Variants in NRXN3 observed in about 807,000 individuals in gnomAD.
NRXN3 encodes neurexin III.
In NRXN3, 32 loss-of-function variants were observed where a neutral mutation model predicts 137.6. The observed-to-expected ratio is 0.23, with a 90% CI of 0.18 to 0.31. NRXN3 has a LOEUF of 0.31. Ranked by LOEUF, NRXN3 falls within the 10% of genes least tolerant of loss-of-function variation. NRXN3 has a pLI of 1.00. For missense variants in NRXN3, 1,574 were observed against 2,062.5 expected, an observed-to-expected ratio of 0.76 and a Z score of 4.59; for synonymous variants, 798 against 784.5, an observed-to-expected ratio of 1.02 and a Z score of -0.29.
At chr14:78,238,580 G>A (rs562189098) in intron 1 of NRXN3, among the ~76,000 whole-genome samples, 1 of 152,360 alleles carries the variant, frequency 6.6e-6, no homozygotes, top group South Asian at 2.1e-4. Context: ...GGCCATTTTG[G>A]CAATTTCCCA....
At chr14:79,287,752 C>T (rs926055783) in intron 15 of NRXN3, among the ~76,000 whole-genome samples, 2 of 152,168 alleles carry the variant, frequency 1.3e-5, no homozygotes, top group Admixed American at 6.5e-5. Flanking sequence ...CCCTGACCAG[C>T]TCTGTAACTT....
rs866395811 is a variant in NRXN3 at position 78,706,353 on chromosome 14, T to C, written c.1222-2864T>C. 1.2e-3 allele frequency among the ~76,000 whole-genome samples: 186 copies of C among 152,356 alleles called. 1 individual carries two copies. Among genetic ancestry groups the C allele is most frequent in the African/African-American group, 4.1e-3 (169 of 41,580 alleles). ...ACTCACTTGAGTGATTGCCTGAGGA[T>C]CCTGCAATATTTCCCTTTGCACATG... On this transcript the variant is annotated intron_variant, in intron 6 of 20. Coordinates refer to ENST00000335750, the MANE Select transcript of NRXN3 (RefSeq NM_001330195.2).
chr14:79,622,882 C>A (rs2098240003), intron 16 of NRXN3, among the ~76,000 whole-genome samples: 1 of 152,204 alleles, frequency 6.6e-6, no homozygotes, highest in Admixed American at 6.5e-5. Context: ...AGGCGTGAGC[C>A]ACCGCACCCG....
At chr14:79,011,514 A>T (rs74772635) in intron 15 of NRXN3, among the ~76,000 whole-genome samples, 3,318 of 151,738 alleles carry the variant, frequency 0.022, 101 homozygotes, top group African/African-American at 0.061. Flanking sequence ...CTCTATCATT[A>T]TCCATGTTGA....
chr14:78,489,042 C>A (rs1479632478), intron 4 of NRXN3, among the ~76,000 whole-genome samples: 1 of 152,106 alleles, frequency 6.6e-6, no homozygotes, highest in African/African-American at 2.4e-5. Flanking sequence ...CAGAGAGATG[C>A]AAACAGGAAG....
intron 15 of NRXN3, among the ~76,000 whole-genome samples, chr14:79,074,095 A>T (rs145945894): frequency 1.3e-5 from 2 of 152,340 alleles, no homozygotes; most frequent in East Asian, 3.9e-4. Context: ...TACACAATGA[A>T]TATTATTAGT....
At chr14:78,632,343 A>G (rs116056955) in intron 4 of NRXN3, among the ~76,000 whole-genome samples, 1,645 of 152,276 alleles carry the variant, frequency 0.011, 31 homozygotes, top group African/African-American at 0.038. Flanking sequence ...AAGGGTGCTT[A>G]TACTTTAAAA....
chr14:78,283,455 T>G (rs2153507252), intron 3 of NRXN3: 1 of 152,282 alleles, frequency 6.6e-6, no homozygotes, highest in South Asian at 2.1e-4. Context: ...GTAAAGTTCT[T>G]TTGGAACATA....
chr14:79,108,852 G>T (rs982962125), intron 15 of NRXN3, among the ~76,000 whole-genome samples: 1 of 152,052 alleles, frequency 6.6e-6, no homozygotes. Flanking sequence ...AATTTTTTAC[G>T]CTGCTGTCAG....
intron 10 of NRXN3, among the ~76,000 whole-genome samples, chr14:78,887,986 T>G (rs1264305285): frequency 6.6e-6 from 1 of 152,140 alleles, no homozygotes; most frequent in Admixed American, 6.6e-5. Context: ...TCTTTATTTA[T>G]TAAATCATCT....
At chr14:78,705,689 T>C (rs1232277531) in intron 6 of NRXN3, among the ~76,000 whole-genome samples, 1 of 152,188 alleles carries the variant, frequency 6.6e-6, no homozygotes, top group Non-Finnish European at 1.5e-5. Context: ...GAGGGACAGT[T>C]TGTGGAACAG....
chr14:78,227,178 A>T (rs2064785120), intron 1 of NRXN3, among the ~76,000 whole-genome samples: 1 of 151,850 alleles, frequency 6.6e-6, no homozygotes, highest in Non-Finnish European at 1.5e-5. Flanking sequence ...CTTATCTAAC[A>T]TATCCCAGAA....
In NRXN3 at chr14:79,673,206, A is replaced by T. The variant is rs144804350; in HGVS notation, c.3616+9257A>T. Among the ~76,000 whole-genome samples, 1,427 of 152,214 alleles carry T rather than the reference A, an allele frequency of 9.4e-3. 9 individuals are homozygous for T. The highest frequency in any genetic ancestry group is 0.015 in the Non-Finnish European group (1,027 of 67,986). On this transcript the variant is annotated intron_variant, in intron 17 of 20. Transcript: ENST00000335750. ...AAGCGGCACTTTGAGTCTTCAGTTC[A>T]TGGAGTTAACATGAATTTGATTGGA...
At chr14:78,266,296 G>A (rs1291404055) in intron 2 of NRXN3, among the ~76,000 whole-genome samples, 3 of 151,918 alleles carry the variant, frequency 2.0e-5, no homozygotes, top group East Asian at 3.9e-4. Context: ...CTTAATCTGT[G>A]TTTCTTTCTT....
At chr14:78,323,049 A>C (rs983531749) in intron 4 of NRXN3, among the ~76,000 whole-genome samples, 2 of 152,050 alleles carry the variant, frequency 1.3e-5, no homozygotes, top group Non-Finnish European at 1.5e-5. Flanking sequence ...GCTTGATGTT[A>C]TAGGAGAGGA....
chr14:78,209,978 G>A (rs2062585918), intron 1 of NRXN3, among the ~76,000 whole-genome samples: 1 of 152,162 alleles, frequency 6.6e-6, no homozygotes, highest in African/African-American at 2.4e-5. Context: ...ACAAAGGCAA[G>A]TATTTTAATC....
chr14:78,715,968 T>A (rs927974146), intron 8 of NRXN3, among the ~76,000 whole-genome samples: 1 of 152,090 alleles, frequency 6.6e-6, no homozygotes, highest in Non-Finnish European at 1.5e-5. Flanking sequence ...ACCCTGACAG[T>A]TGAGGACCTG....
At chr14:79,428,754 G>A (rs1445099344) in intron 15 of NRXN3, among the ~76,000 whole-genome samples, 1 of 152,110 alleles carries the variant, frequency 6.6e-6, no homozygotes, top group Non-Finnish European at 1.5e-5. Context: ...AGAATCACAA[G>A]GTAGGTTTCC....
intron 16 of NRXN3, among the ~76,000 whole-genome samples, chr14:79,646,258 G>A (rs1217926672): frequency 1.5e-5 from 2 of 135,216 alleles, no homozygotes; most frequent in Non-Finnish European, 3.4e-5. Context: ...CAGCATAGTT[G>A]GGCTGCACTA....
Sources: gnomAD v4.1 joint callset for allele counts (sites outside exome capture counted in the v4.1 genomes callset) on GRCh38, gnomAD v4.1.1 for gene constraint, MANE v1.5 for transcripts, NCBI Gene and HGNC (gene_info 2026-07-23, HGNC 2026-07-21) for gene names.